Variants in DMD observed in about 807,000 individuals in gnomAD.
The protein encoded by DMD is mutant dystrophin.
A neutral mutation model predicts 330.1 loss-of-function variants in DMD; 63 were observed. The observed-to-expected ratio is 0.19, with a 90% CI of 0.16 to 0.24. DMD has a LOEUF of 0.24. DMD is among the 10% of genes least tolerant of loss of function. DMD has a pLI of 1.00. For missense variants in DMD, 3,344 were observed against 2,684.1 expected (o/e 1.25, Z -5.43); for synonymous variants, 1,223 against 959.8 (o/e 1.27, Z -5.07).
upstream of DMD, among the ~76,000 whole-genome samples, chrX:33,215,712 T>C (rs1057004630): frequency 5.4e-5 from 6 of 112,069 alleles, no homozygotes; most frequent in Non-Finnish European, 9.4e-5. Context: ...TAATGAAAAG[T>C]AGAGGTCCAA....
chrX:31,777,681 A>G (rs936284226), intron 50 of DMD, among the ~76,000 whole-genome samples: 6 of 111,787 alleles, frequency 5.4e-5, no homozygotes, highest in Admixed American at 2.8e-4. Flanking sequence ...GCCTGCTACA[A>G]TGAACATCTT....
intron 60 of DMD, among the ~76,000 whole-genome samples, chrX:31,378,058 CT>C (rs771153146): frequency 9.0e-6 from 1 of 111,556 alleles, no homozygotes; most frequent in Non-Finnish European, 1.9e-5. Flanking sequence ...GGCCCCACCC[CT>C]GTCTCCCTTT....
At chrX:31,346,266 A>G (rs750328964) in intron 61 of DMD, among the ~76,000 whole-genome samples, 19 of 111,003 alleles carry the variant, frequency 1.7e-4, no homozygotes, top group African/African-American at 5.6e-4. Context: ...CAGTTTCTTC[A>G]TCATTGAAAT....
chrX:33,032,924 T>C (rs1296687724), intron 1 of DMD, among the ~76,000 whole-genome samples: 2 of 111,942 alleles, frequency 1.8e-5, no homozygotes, highest in Non-Finnish European at 3.8e-5. Context: ...AGCCAAAAAT[T>C]ATAAATAGGA....
intron 12 of DMD, among the ~76,000 whole-genome samples, chrX:32,609,436 TAAATCCTCCAGCATTCAGTATAGTAC>T (rs755254347): frequency 5.1e-4 from 57 of 111,112 alleles, no homozygotes; most frequent in African/African-American, 1.7e-3. Flanking sequence ...TGATCAGGCT[TAAATCCTCCAGCATTCAGTATAGTAC>T]AAGACATCGT....
chrX:31,872,666 G>A (rs1263392273), intron 48 of DMD, among the ~76,000 whole-genome samples: 1 of 111,814 alleles, frequency 8.9e-6, no homozygotes, highest in Non-Finnish European at 1.9e-5. Flanking sequence ...GCTACAAAAA[G>A]CTATTTCTGG....
rs756621310 is a variant in DMD at position 33,283,633 on chromosome X, TAAAA to T, written c.7+55622_7+55625del. 5.4e-5 allele frequency among the ~76,000 whole-genome samples: 6 copies of T among 111,323 alleles called. No homozygotes were observed. In the East Asian group the frequency reaches 1.7e-3, roughly 31 times the overall value. On this transcript the variant is annotated intron_variant, in intron 1 of 17. Transcript: ENST00000288447. ...TTAGTATTTATTTAAGCAACCTAAC[TAAAA>T]ATAGTGCCGACAATAAAAATATCTC...
At chrX:32,938,440 C>T (rs1293988970) in intron 2 of DMD, among the ~76,000 whole-genome samples, 1 of 111,274 alleles carries the variant, frequency 9.0e-6, no homozygotes, top group Non-Finnish European at 1.9e-5. Context: ...ACACTTTATA[C>T]TCTGTCCCTG....
chrX:31,486,601 C>T (rs898797994), intron 57 of DMD, among the ~76,000 whole-genome samples: 1 of 111,484 alleles, frequency 9.0e-6, no homozygotes, highest in African/African-American at 3.3e-5. Flanking sequence ...TTTCTGTAGT[C>T]TGCAGGATTA....
intron 43 of DMD, among the ~76,000 whole-genome samples, chrX:32,263,554 A>G (rs1019324507): frequency 2.7e-5 from 3 of 112,477 alleles, no homozygotes; most frequent in Non-Finnish European, 5.6e-5. Flanking sequence ...GGAATTAACT[A>G]TATGCTAACT....
chrX:32,918,226 G>C (rs757407427), intron 2 of DMD, among the ~76,000 whole-genome samples: 2 of 111,556 alleles, frequency 1.8e-5, no homozygotes, highest in Admixed American at 9.6e-5. Context: ...TATATTATTA[G>C]TATGACTGTA....
chrX:32,265,545 C>A (rs988254804), intron 43 of DMD, among the ~76,000 whole-genome samples: 3 of 111,621 alleles, frequency 2.7e-5, no homozygotes, highest in Non-Finnish European at 5.7e-5. Context: ...GGGCTTGATC[C>A]ACCGTGTGCA....
intron 52 of DMD, among the ~76,000 whole-genome samples, chrX:31,707,467 A>G (rs2084285238): frequency 9.0e-6 from 1 of 110,760 alleles, no homozygotes; most frequent in South Asian, 3.9e-4. Context: ...GGGGACTACT[A>G]GAGGGAGGAG....
rs979505025 is a variant in DMD, at chrX:32,358,108, G to T, written c.5325+4680C>A. 2.7e-5 allele frequency among the ~76,000 whole-genome samples: 3 copies of T among 110,451 alleles called. No individual in the cohort carries two copies. In the East Asian group the frequency reaches 8.5e-4, roughly 31 times the overall value. On this transcript the variant is annotated intron_variant, in intron 37 of 78. Coordinates refer to ENST00000357033, the MANE Select transcript of DMD (RefSeq NM_004006.3). The stretch of plus-strand genomic sequence containing the variant: ...TCGGAAAATAATATATGGTTGGTGA[G>T]AATTCATCCTGATTAATCCCTTTTC...
chrX:31,998,098 A>C (rs73449959), intron 44 of DMD, among the ~76,000 whole-genome samples: 13,178 of 111,046 alleles, frequency 0.12, 1,441 homozygotes, highest in African/African-American at 0.34. Flanking sequence ...GTAGTCTACC[A>C]CTGTTTGTCA....
chrX:32,462,916 C>T (rs2098388614), intron 25 of DMD, among the ~76,000 whole-genome samples: 1 of 111,176 alleles, frequency 9.0e-6, no homozygotes, highest in Admixed American at 9.6e-5. Context: ...GCCGAGTTCA[C>T]ACCACTGCAC....
intron 1 of DMD, among the ~76,000 whole-genome samples, chrX:33,263,541 T>C: frequency 9.2e-6 from 1 of 109,235 alleles, no homozygotes; most frequent in Non-Finnish European, 1.9e-5. Flanking sequence ...TCTATGGGTT[T>C]ATTCTTTTTA....
chrX:33,158,430 G>A (rs2048609453), intron 1 of DMD, among the ~76,000 whole-genome samples: 2 of 110,922 alleles, frequency 1.8e-5, no homozygotes, highest in South Asian at 3.9e-4. Context: ...GCCTTGCATT[G>A]TCTATTCGGT....
At chrX:31,855,257 C>G (rs1181567424) in intron 48 of DMD, among the ~76,000 whole-genome samples, 5 of 111,497 alleles carry the variant, frequency 4.5e-5, no homozygotes, top group Non-Finnish European at 7.5e-5. Context: ...GTCCTAATAT[C>G]TCTGGATTAT....
Sources: gnomAD v4.1 joint callset for allele counts (sites outside exome capture counted in the v4.1 genomes callset) on GRCh38, gnomAD v4.1.1 for gene constraint, MANE v1.5 for transcripts, NCBI Gene and HGNC (gene_info 2026-07-23, HGNC 2026-07-21) for gene names.